The following SHLD1 variants were observed in gnomAD, a reference collection of about 807,000 sequenced individuals.
The protein encoded by SHLD1 is shieldin complex subunit 1.
Under a neutral mutation model 5.5 loss-of-function variants are expected in SHLD1, and 3 were observed. That is an observed-to-expected ratio of 0.54 (90% CI 0.25 to 1.40). SHLD1 has a LOEUF of 1.40. Ranked by LOEUF, SHLD1 falls within the 40% of genes most tolerant of loss-of-function variation. The pLI is 0.15. For synonymous variants in SHLD1, 92 were observed against 94.3 expected, an observed-to-expected ratio of 0.98 and a Z score of 0.14; for missense variants, 210 against 244.4, an observed-to-expected ratio of 0.86 and a Z score of 0.94.
chr20:5,754,123 T>C (rs1316012397), intron 1 of SHLD1, among the ~76,000 whole-genome samples: 1 of 152,074 alleles, frequency 6.6e-6, no homozygotes, highest in African/African-American at 2.4e-5. Context: ...TCTATTTTTT[T>C]TTCTTGAGAC....
intron 2 of SHLD1, among the ~76,000 whole-genome samples, chr20:5,832,842 AATAAATGG>A (rs1568524115): frequency 7.7e-6 from 1 of 129,848 alleles, no homozygotes; most frequent in African/African-American, 2.7e-5. Context: ...TAAATAAATA[AATAAATGG>A]GGAAAAAAGC....
rs574526162 is a variant in SHLD1 at position 5,768,955 on chromosome 20, G to T, written c.-4-3907G>T. 2.0e-5 allele frequency among the ~76,000 whole-genome samples: 3 copies of T among 149,776 alleles called. No individual in the cohort carries two copies. In the South Asian group the frequency reaches 6.4e-4, roughly 32 times the overall value. On this transcript the variant is annotated intron_variant, in intron 1 of 2. Transcript: ENST00000303142. ...ACAGGTCTCACTCTCGTTTGGGCTG[G>T]AGTGCATTGGCACAATCACAGCTCA... is the stretch of plus-strand genomic sequence containing the variant.
At chr20:5,813,437 C>T (rs1220544046) in intron 2 of SHLD1, among the ~76,000 whole-genome samples, 3 of 152,058 alleles carry the variant, frequency 2.0e-5, no homozygotes, top group Admixed American at 6.5e-5. Context: ...TGCAGTGAGC[C>T]GAGATTGTGC....
intron 2 of SHLD1, among the ~76,000 whole-genome samples, chr20:5,854,039 C>T (rs978397108): frequency 6.7e-6 from 1 of 148,918 alleles, no homozygotes; most frequent in Non-Finnish European, 1.5e-5. Context: ...GAGTTTTGCT[C>T]TTGTTGCCCA....
intron 1 of SHLD1, among the ~76,000 whole-genome samples, chr20:5,756,018 G>A (rs183813637): frequency 6.6e-5 from 10 of 152,164 alleles, no homozygotes; most frequent in Admixed American, 2.6e-4. Flanking sequence ...TTGGAGTTGC[G>A]TATCTTATTG....
chr20:5,829,123 G>A (rs1436408697), intron 2 of SHLD1, among the ~76,000 whole-genome samples: 4 of 152,032 alleles, frequency 2.6e-5, no homozygotes, highest in Non-Finnish European at 4.4e-5. Flanking sequence ...CTATCTGCCC[G>A]CCTTGGCCTC....
chr20:5,824,155 G>T (rs1287068), intron 2 of SHLD1, among the ~76,000 whole-genome samples: 3 of 152,200 alleles, frequency 2.0e-5, no homozygotes, highest in East Asian at 1.9e-4. Context: ...CTTCCCAGCC[G>T]CACTGGCCTT....
Position 5,855,726 on chromosome 20 carries a change from C to T in SHLD1, c.179-7298C>T, listed in dbSNP as rs954398741. Among the ~76,000 whole-genome samples the T allele has an allele frequency of 1.3e-5, 2 of 152,156 alleles. No individual in the cohort carries two copies. Among genetic ancestry groups the T allele is most frequent in the Non-Finnish European group, 2.9e-5 (2 of 68,020 alleles). On this transcript the variant is annotated intron_variant, in intron 2 of 2. Transcript: ENST00000303142. The surrounding 1 kb of genome is among the most constrained non-coding windows in gnomAD (Gnocchi z 4.4). Reference sequence around the variant, plus strand: ...CTGTTGATAGCTGGGTTGCTTCTAACTCTTGGCTAATGTGAATATGAGAAA... The same window carrying T: ...CTGTTGATAGCTGGGTTGCTTCTAATTCTTGGCTAATGTGAATATGAGAAA...
At position 5,863,706 on chromosome 20, in the gene SHLD1, G is replaced by A. The variant is rs144897306; in HGVS notation, c.*243G>A. ...CAAGGCCGCTGACTGACTGGGCTACGAGTCAAAAGCCCAGCTCCCTTGCCT... is the reference window on the plus strand; with the variant it reads ...CAAGGCCGCTGACTGACTGGGCTACAAGTCAAAAGCCCAGCTCCCTTGCCT... On this transcript the variant is annotated 3_prime_UTR_variant, in exon 3 of 3. Transcript: ENST00000303142. 6 of 468,308 alleles carry A rather than the reference G, an allele frequency of 1.3e-5. No homozygotes were observed. The highest frequency in any genetic ancestry group is 7.9e-5 in the African/African-American group (4 of 50,650). 29.0% of individuals were successfully genotyped at this position (468,308 alleles called of 1,614,324 possible).
chr20:5,760,796 G>A (rs907810642), intron 1 of SHLD1, among the ~76,000 whole-genome samples: 5 of 152,030 alleles, frequency 3.3e-5, no homozygotes, highest in Non-Finnish European at 7.4e-5. Context: ...AACATGAAGT[G>A]GTCAAGGAGA....
chr20:5,794,264 G>A (rs2087181044), intron 2 of SHLD1, among the ~76,000 whole-genome samples: 1 of 152,154 alleles, frequency 6.6e-6, no homozygotes, highest in African/African-American at 2.4e-5. Context: ...GAGACACCTG[G>A]AGCTGAGTAG....
At chr20:5,771,613 C>T (rs1295649481) in intron 1 of SHLD1, among the ~76,000 whole-genome samples, 1 of 151,704 alleles carries the variant, frequency 6.6e-6, no homozygotes, top group Admixed American at 6.6e-5. Flanking sequence ...GCCATAACTC[C>T]ATAACTTTTT....
intron 2 of SHLD1, among the ~76,000 whole-genome samples, chr20:5,817,430 CTCTGTGTGTGTG>C (rs1399328608): frequency 5.0e-5 from 5 of 99,514 alleles, no homozygotes; most frequent in Admixed American, 1.9e-4. Context: ...CTCTCTCTCT[CTCTGTGTGTGTG>C]TGTGTGTGTG....
intron 2 of SHLD1, among the ~76,000 whole-genome samples, chr20:5,800,460 A>G (rs567795): frequency 0.85 from 129,566 of 152,202 alleles, 55,392 homozygotes; most frequent in East Asian, 1. Flanking sequence ...TTGGGAGGCC[A>G]AGGTGGGTGG....
intron 2 of SHLD1, among the ~76,000 whole-genome samples, chr20:5,826,571 C>T (rs2087667781): frequency 6.6e-6 from 1 of 152,166 alleles, no homozygotes; most frequent in African/African-American, 2.4e-5. Flanking sequence ...GTTGCCATCA[C>T]AGTCCCTTGC....
intron 2 of SHLD1, among the ~76,000 whole-genome samples, chr20:5,851,662 T>C (rs1032729678): frequency 6.6e-6 from 1 of 151,948 alleles, no homozygotes; most frequent in African/African-American, 2.4e-5. Flanking sequence ...ATATGTTTTA[T>C]CTAACTCAAT....
At chr20:5,844,577 G>T (rs1425782418) in intron 2 of SHLD1, among the ~76,000 whole-genome samples, 1 of 151,976 alleles carries the variant, frequency 6.6e-6, no homozygotes, top group Non-Finnish European at 1.5e-5. Context: ...GGGTGCACCA[G>T]GGACCTCTGT....
At chr20:5,852,212 A>G (rs1227270329) in intron 2 of SHLD1, among the ~76,000 whole-genome samples, 1 of 152,164 alleles carries the variant, frequency 6.6e-6, no homozygotes, top group Non-Finnish European at 1.5e-5. Context: ...ATAGCAACAC[A>G]AGAACGGACT....
Position 5,773,040 on chromosome 20 carries a change from C to G in SHLD1, c.175C>G (p.Pro59Ala). The change falls in exon 2 of 3, where the codon CCA (proline) becomes GCA (alanine). Residue 59 changes from proline to alanine, a missense_variant. By Grantham distance (27) the Pro-to-Ala change is conservative. Coordinates refer to ENST00000303142, the MANE Select transcript of SHLD1 (RefSeq NM_152504.4). ...TTTTCCTTATTCTTCTGATGTGGAT[C>G]CAGGTAATAAGCAGAGTTTAAAACA... ...HSFPYSSDVD[P>A]DTSNLNIEQN... 2 of 1,614,116 alleles carry G rather than the reference C, an allele frequency of 1.2e-6. No individual in the cohort carries two copies. The highest frequency in any genetic ancestry group is 1.7e-6 in the Non-Finnish European group (2 of 1,179,978).
Sources: gnomAD v4.1 joint callset for allele counts (sites outside exome capture counted in the v4.1 genomes callset) on GRCh38, gnomAD v4.1.1 for gene constraint, Gnocchi (gnomAD v3.1) non-coding constraint, MANE v1.5 for transcripts, NCBI Gene and HGNC (gene_info 2026-07-23, HGNC 2026-07-21) for gene names.